The following CDK18 variants were observed in gnomAD, a reference collection of about 807,000 sequenced individuals.
The protein encoded by CDK18 is cyclin dependent kinase 18.
A neutral mutation model predicts 62.0 loss-of-function variants in CDK18; 52 were observed. The ratio of observed to expected loss-of-function variants is 0.84; its 90% confidence interval spans 0.67 to 1.06. The LOEUF (loss-of-function observed/expected upper bound fraction) is 1.06, where lower values mean the gene tolerates loss of function less well. CDK18 is among the 50% of genes least tolerant of loss of function. The pLI is 0.00. For missense variants in CDK18, 604 were observed against 619.9 expected (o/e 0.97, Z 0.27); for synonymous variants, 237 against 247.0 (o/e 0.96, Z 0.38).
intron 1 of CDK18, among the ~76,000 whole-genome samples, chr1:205,505,672 G>T (rs1667272150): frequency 1.3e-5 from 2 of 152,158 alleles, no homozygotes; most frequent in Admixed American, 1.3e-4. Context: ...GTGGGGGGCG[G>T]GGATTCCCTG....
In CDK18 at chr1:205,527,666, G is replaced by C. The variant is rs1668508105; in HGVS notation, c.730-128G>C. On this transcript the variant is annotated intron_variant, in intron 8 of 15. Transcript: ENST00000429964. This position sits in a 1 kb window ranked among gnomAD's most constrained non-coding sequence, Gnocchi z 4.1. The stretch of plus-strand genomic sequence containing the variant: ...GGTGGGGTCCAGGATGGGGGCTGCA[G>C]GGTGTGCAGGAGAATGAGGGGCTTG... 1.2e-6 allele frequency: 1 copy of C among 856,802 alleles called. No individual in the cohort carries two copies. Among genetic ancestry groups the C allele is most frequent in the African/African-American group, 1.7e-5 (1 of 59,152 alleles). 53.1% of individuals were successfully genotyped at this position (856,802 alleles called of 1,614,324 possible). A position where few individuals can be genotyped will look rare whatever the true frequency, so the allele number is the denominator to read the frequency against.
chr1:205,526,256 C>T, intron 6 of CDK18, 77 bp downstream of exon 6: 1 of 1,495,258 alleles, frequency 6.7e-7, no homozygotes, highest in South Asian at 1.1e-5. Flanking sequence ...CTTGTGGGAG[C>T]TGGGGGTAGA....
chr1:205,521,355 G>A (rs1040657960), intron 1 of CDK18, among the ~76,000 whole-genome samples: 1 of 152,188 alleles, frequency 6.6e-6, no homozygotes, highest in African/African-American at 2.4e-5. Flanking sequence ...GGGATCACAG[G>A]TGCACACCAC....
At chr1:205,507,566 G>A (rs1439479588) in intron 1 of CDK18, among the ~76,000 whole-genome samples, 12 of 150,184 alleles carry the variant, frequency 8.0e-5, no homozygotes, top group South Asian at 2.1e-4. Flanking sequence ...CCCGGGAGGC[G>A]GAGGTTGTAG....
At chr1:205,530,021 ACT>A (rs1668658565) in intron 13 of CDK18, 1 of 1,410,346 alleles carries the variant, frequency 7.1e-7, no homozygotes, top group African/African-American at 1.4e-5. Flanking sequence ...AGAGAAGGTC[ACT>A]CTCCTGAAGT....
At chr1:205,529,949 G>T in intron 13 of CDK18, 4 of 1,378,472 alleles carry the variant, frequency 2.9e-6, no homozygotes, top group Non-Finnish European at 3.8e-6. Flanking sequence ...TCGGCACTAC[G>T]CTTCCTGTTA....
At chr1:205,520,237 T>C (rs1368774494) in intron 1 of CDK18, among the ~76,000 whole-genome samples, 1 of 152,246 alleles carries the variant, frequency 6.6e-6, no homozygotes, top group Non-Finnish European at 1.5e-5. Flanking sequence ...ACCTGGACCT[T>C]AGATGTTTTC....
rs371310966 is a variant in CDK18 at position 205,529,124 on chromosome 1, C to G, written c.1072+28C>G. ...CAGTCTCCCGCTGCTCCGTCCCTCTCACCACCAGGGGGCGCCGGAACTCCT... is the reference window on the plus strand; with the variant it reads ...CAGTCTCCCGCTGCTCCGTCCCTCTGACCACCAGGGGGCGCCGGAACTCCT... On this transcript the variant is annotated intron_variant, in intron 11 of 15. Coordinates refer to ENST00000429964, the MANE Select transcript of CDK18 (RefSeq NM_212502.3). 1.3e-3 allele frequency: 2,021 copies of G among 1,536,670 alleles called. 2 individuals are homozygous for G. The highest frequency in any genetic ancestry group is 1.7e-3 in the Non-Finnish European group (1,899 of 1,130,130).
Position 205,529,413 on chromosome 1 carries a change from A to G in CDK18, c.1162A>G (p.Ile388Val). 1 of 1,613,886 alleles carries G rather than the reference A, an allele frequency of 6.2e-7. No individual in the cohort carries two copies. Among genetic ancestry groups the G allele is most frequent in the Admixed American group, 1.7e-5 (1 of 60,008 alleles). The change falls in exon 12 of 16, where the codon ATC becomes GTC. Residue 388 changes from isoleucine to valine, a missense_variant. Ile to Val is a conservative substitution (Grantham distance 29). Coordinates refer to ENST00000429964, the MANE Select transcript of CDK18 (RefSeq NM_212502.3). ...CCCCTGCTACCTCCCGCAGCCGCTC[A>G]TCAACCACGCGCCCAGGTAGCCCCT... is the stretch of plus-strand genomic sequence containing the variant. ...SFPCYLPQPL[I>V]NHAPRLDTDG...
chr1:205,513,094 A>T (rs1009317659), intron 1 of CDK18, among the ~76,000 whole-genome samples: 4 of 152,236 alleles, frequency 2.6e-5, no homozygotes. Flanking sequence ...TCTGTGCCAG[A>T]GCAAGTGGAG....
At chr1:205,505,966 C>T (rs1667286496) in intron 1 of CDK18, among the ~76,000 whole-genome samples, 1 of 152,204 alleles carries the variant, frequency 6.6e-6, no homozygotes, top group African/African-American at 2.4e-5. Flanking sequence ...CTAACACCAC[C>T]GGCTTGCCCC....
intron 1 of CDK18, among the ~76,000 whole-genome samples, chr1:205,507,046 G>A (rs1003486642): frequency 2.0e-5 from 3 of 152,218 alleles, no homozygotes; most frequent in African/African-American, 7.2e-5. Flanking sequence ...GTCCTACACT[G>A]TAGGGCAGAG....
At chr1:205,510,748 C>T (rs1667530841) in intron 1 of CDK18, among the ~76,000 whole-genome samples, 1 of 152,262 alleles carries the variant, frequency 6.6e-6, no homozygotes, top group Non-Finnish European at 1.5e-5. Flanking sequence ...GCTCACCTTT[C>T]TGAGTCTTGC....
chr1:205,529,806 C>T, intron 13 of CDK18: 1 of 1,420,528 alleles, frequency 7.0e-7, no homozygotes. Flanking sequence ...CAGAGCTCCT[C>T]CATGCCTCAG....
At chr1:205,523,680 G>A (rs1224893676) in intron 3 of CDK18, 55 bp downstream of exon 3, 4 of 1,515,648 alleles carry the variant, frequency 2.6e-6, no homozygotes, top group East Asian at 4.9e-5. Context: ...GCACAAGGGT[G>A]TGCACAGGAG....
At chr1:205,512,489 T>G (rs1667611043) in intron 1 of CDK18, among the ~76,000 whole-genome samples, 1 of 152,008 alleles carries the variant, frequency 6.6e-6, no homozygotes, top group African/African-American at 2.4e-5. Context: ...TAAAAGACAT[T>G]TAGAGAACAG....
At chr1:205,529,174 G>T in intron 11 of CDK18, 78 bp downstream of exon 11, 1 of 1,408,476 alleles carries the variant, frequency 7.1e-7, no homozygotes, top group Non-Finnish European at 9.8e-7. Context: ...GAGCGGGACG[G>T]GGAGGAGCGG....
rs12408209 is a variant in CDK18, at chr1:205,528,812, C to A, written c.975-187C>A. 2.3e-5 allele frequency: 11 copies of A among 474,692 alleles called. No homozygotes were observed. The highest frequency in any genetic ancestry group is 3.7e-5 in the Non-Finnish European group (10 of 267,856). The allele number at this position is 474,692 out of a possible 1,614,324, so 29.4% of individuals were successfully genotyped here. A position where few individuals can be genotyped will look rare whatever the true frequency, so the allele number is the denominator to read the frequency against. On this transcript the variant is annotated intron_variant, in intron 10 of 15. Transcript: ENST00000429964. The surrounding 1 kb of genome is among the most constrained non-coding windows in gnomAD (Gnocchi z 4.2). ...CTTTCCCGAGCCCAGGGAAGCCCCCCAGAGAGGGGCTGTAGTGGGGGCTGG... is the reference window on the plus strand; with the variant it reads ...CTTTCCCGAGCCCAGGGAAGCCCCCAAGAGAGGGGCTGTAGTGGGGGCTGG...
chr1:205,512,897 C>T (rs908138186), intron 1 of CDK18, among the ~76,000 whole-genome samples: 4 of 152,214 alleles, frequency 2.6e-5, no homozygotes, highest in African/African-American at 7.2e-5. Context: ...GGCTCAAAGG[C>T]CCCTGCAGTT....
Sources: allele counts gnomAD v4.1 joint callset (sites outside exome capture counted in the v4.1 genomes callset), GRCh38; gene constraint gnomAD v4.1.1; non-coding constraint Gnocchi (gnomAD v3.1); transcripts MANE v1.5; gene names NCBI Gene and HGNC (gene_info 2026-07-23, HGNC 2026-07-21).